Variants in LY86 observed in about 807,000 individuals in gnomAD.
LY86 encodes MD-1, RP105-associated.
LY86 carries 20 observed loss-of-function variants against 17.3 expected under a neutral mutation model. That is an observed-to-expected ratio of 1.15 (90% CI 0.81 to 1.68). The LOEUF (loss-of-function observed/expected upper bound fraction) is 1.68, where lower values mean the gene tolerates loss of function less well. LY86 is among the 40% of genes most tolerant of loss of function. The probability of loss-of-function intolerance (pLI) is 0.00; values close to 1 mark genes in which losing one functional copy is unlikely to be tolerated. For missense variants in LY86, 200 were observed against 191.9 expected (o/e 1.04, Z -0.25); for synonymous variants, 74 against 70.6 (o/e 1.05, Z -0.24).
chr6:6,603,617 AAC>A (rs796198494), intron 1 of LY86, among the ~76,000 whole-genome samples: 1,184 of 107,738 alleles, frequency 0.011, 45 homozygotes, highest in African/African-American at 0.032. Context: ...AAAAAAAACA[AAC>A]AAAAAAAAAC....
intron 3 of LY86, among the ~76,000 whole-genome samples, chr6:6,634,069 G>A (rs905845651): frequency 1.3e-5 from 2 of 152,166 alleles, no homozygotes; most frequent in Non-Finnish European, 2.9e-5. Context: ...GAGAGGTGCA[G>A]AAGATAATGG....
intron 3 of LY86, among the ~76,000 whole-genome samples, chr6:6,648,019 A>G (rs769881937): frequency 1.4e-5 from 2 of 148,030 alleles, no homozygotes; most frequent in Non-Finnish European, 3.0e-5. Context: ...ACACTTCCTC[A>G]TCAGGCTTCC....
intron 1 of LY86, among the ~76,000 whole-genome samples, chr6:6,606,373 A>C (rs541084821): frequency 6.6e-6 from 1 of 152,276 alleles, no homozygotes; most frequent in African/African-American, 2.4e-5. Flanking sequence ...AAGGTTCTCC[A>C]AGTCCCCCCC....
chr6:6,603,656 G>GC (rs1561778159), intron 1 of LY86, among the ~76,000 whole-genome samples: 6 of 130,930 alleles, frequency 4.6e-5, no homozygotes, highest in African/African-American at 1.7e-4. Context: ...CACACACACA[G>GC]AGTGGAAAAC....
intron 1 of LY86, among the ~76,000 whole-genome samples, chr6:6,617,028 G>C (rs1022374190): frequency 1.3e-5 from 2 of 152,192 alleles, no homozygotes; most frequent in East Asian, 3.8e-4. Context: ...ATGTGCTAAC[G>C]TCCAATCTTC....
At chr6:6,623,130 G>A (rs1761716442) in intron 1 of LY86, among the ~76,000 whole-genome samples, 2 of 152,212 alleles carry the variant, frequency 1.3e-5, no homozygotes, top group Admixed American at 6.5e-5. Flanking sequence ...TATTTTAACA[G>A]AGAGAATTTG....
chr6:6,620,585 A>G (rs1761650808), intron 1 of LY86, among the ~76,000 whole-genome samples: 1 of 152,176 alleles, frequency 6.6e-6, no homozygotes, highest in Non-Finnish European at 1.5e-5. Context: ...GAGGAATTTC[A>G]CTTCCAGAGT....
intron 4 of LY86, among the ~76,000 whole-genome samples, chr6:6,650,430 G>A (rs536678828): frequency 1.3e-5 from 2 of 151,818 alleles, no homozygotes; most frequent in South Asian, 2.1e-4. Flanking sequence ...TGCCTCCCAG[G>A]TTCAAGCTAT....
intron 1 of LY86, among the ~76,000 whole-genome samples, chr6:6,604,103 G>T (rs142044074): frequency 2.0e-5 from 3 of 152,056 alleles, no homozygotes; most frequent in Non-Finnish European, 4.4e-5. Context: ...AACATCTGAG[G>T]CATATAGGCA....
intron 1 of LY86, among the ~76,000 whole-genome samples, chr6:6,605,076 G>T (rs993825832): frequency 6.7e-6 from 1 of 149,800 alleles, no homozygotes; most frequent in African/African-American, 2.5e-5. Flanking sequence ...CTCACTAAAA[G>T]AACTTTAAAG....
At chr6:6,646,644 A>G (rs1762112075) in intron 3 of LY86, among the ~76,000 whole-genome samples, 1 of 152,192 alleles carries the variant, frequency 6.6e-6, no homozygotes, top group Non-Finnish European at 1.5e-5. Flanking sequence ...GACTGCAATA[A>G]TAGAAACTCC....
chr6:6,638,655 AT>A (rs141701659), intron 3 of LY86, among the ~76,000 whole-genome samples: 45,646 of 151,348 alleles, frequency 0.3, 7,061 homozygotes, highest in Middle Eastern at 0.39. Flanking sequence ...ATACTGCTCT[AT>A]TTTTTTTTAT....
intron 3 of LY86, among the ~76,000 whole-genome samples, chr6:6,630,505 T>C (rs1761882683): frequency 6.6e-6 from 1 of 152,242 alleles, no homozygotes; most frequent in South Asian, 2.1e-4. Context: ...TTGATTGCCA[T>C]GCTTTCAAAC....
At chr6:6,617,914 C>G (rs1303482165) in intron 1 of LY86, among the ~76,000 whole-genome samples, 1 of 152,226 alleles carries the variant, frequency 6.6e-6, no homozygotes, top group Non-Finnish European at 1.5e-5. Context: ...GATCTCGGCA[C>G]ACTGCAACCT....
chr6:6,649,413 C>G (rs554156439), intron 3 of LY86, among the ~76,000 whole-genome samples: 1 of 152,332 alleles, frequency 6.6e-6, no homozygotes, highest in South Asian at 2.1e-4. Flanking sequence ...CCAGGGCCTG[C>G]CACATGGAAG....
At chr6:6,601,238 G>T (rs960058753) in intron 1 of LY86, among the ~76,000 whole-genome samples, 1 of 152,158 alleles carries the variant, frequency 6.6e-6, no homozygotes, top group Admixed American at 6.5e-5. Context: ...TCAGCATTTG[G>T]GAGAAGCAGT....
intron 3 of LY86, among the ~76,000 whole-genome samples, chr6:6,636,829 A>G (rs940019446): frequency 6.6e-6 from 1 of 151,484 alleles, no homozygotes; most frequent in Non-Finnish European, 1.5e-5. Context: ...CAGCAAATTC[A>G]TGCAGAATCA....
At chr6:6,602,885 G>C (rs1170544661) in intron 1 of LY86, among the ~76,000 whole-genome samples, 1 of 152,298 alleles carries the variant, frequency 6.6e-6, no homozygotes, top group Middle Eastern at 3.4e-3. Flanking sequence ...GTGTTTACAG[G>C]AAGAAATCTT....
intron 1 of LY86, among the ~76,000 whole-genome samples, chr6:6,602,515 A>G (rs946889780): frequency 3.6e-4 from 55 of 152,356 alleles, no homozygotes; most frequent in African/African-American, 7.9e-4. Context: ...GCTTAAGTTT[A>G]GAGTTTCCTC....
Sources: allele counts gnomAD v4.1 joint callset (sites outside exome capture counted in the v4.1 genomes callset), GRCh38; gene constraint gnomAD v4.1.1; transcripts MANE v1.5; gene names NCBI Gene and HGNC (gene_info 2026-07-23, HGNC 2026-07-21).